The following GRID1 variants were observed in gnomAD, a reference collection of about 807,000 sequenced individuals.
GRID1 encodes the protein glutamate ionotropic receptor delta type subunit 1, also known as glutamate receptor ionotropic, delta-1.
Under a neutral mutation model 98.0 loss-of-function variants are expected in GRID1, and 28 were observed. That is an observed-to-expected ratio of 0.29 (90% CI 0.21 to 0.39). GRID1 has a LOEUF of 0.39. Ranked by LOEUF, GRID1 falls within the 10% of genes least tolerant of loss-of-function variation. The pLI, the probability that GRID1 is intolerant of heterozygous loss-of-function variation, is 1.00. For synonymous variants in GRID1, 553 were observed against 538.5 expected (o/e 1.03, Z -0.37); for missense variants, 1,111 against 1,340.5 (o/e 0.83, Z 2.67).
intron 4 of GRID1, among the ~76,000 whole-genome samples, chr10:86,017,580 A>C: frequency 6.6e-6 from 1 of 152,198 alleles, no homozygotes; most frequent in African/African-American, 2.4e-5. Context: ...GTCATGGTTC[A>C]ATGTCATAGC....
chr10:85,981,261 T>G (rs577722688), intron 4 of GRID1, among the ~76,000 whole-genome samples: 1 of 152,348 alleles, frequency 6.6e-6, no homozygotes, highest in South Asian at 2.1e-4. Flanking sequence ...GCACAAGCTT[T>G]CAGTCTGACA....
rs1287741338 is a variant in GRID1 at position 86,366,056 on chromosome 10, C to T, written c.79+258G>A. The stretch of plus-strand genomic sequence containing the variant: ...GACGCGCGTCCATCCCGGTGTTCCC[C>T]GAAGCGTCGGCCCTAAGTGTCGGTA... On this transcript the variant is annotated intron_variant, in intron 1 of 15. Transcript: ENST00000327946. This position sits in a 1 kb window ranked among gnomAD's most constrained non-coding sequence, Gnocchi z 4.1. 6.6e-5 allele frequency among the ~76,000 whole-genome samples: 10 copies of T among 152,106 alleles called. No individual in the cohort carries two copies. Among genetic ancestry groups the T allele is most frequent in the African/African-American group, 2.4e-4 (10 of 41,434 alleles).
At chr10:86,067,191 G>T (rs1843731382) in intron 4 of GRID1, among the ~76,000 whole-genome samples, 1 of 152,214 alleles carries the variant, frequency 6.6e-6, no homozygotes, top group African/African-American at 2.4e-5. Context: ...TACTGATAAG[G>T]TGTTAATAAA....
intron 2 of GRID1, among the ~76,000 whole-genome samples, chr10:86,320,471 T>G (rs1219091730): frequency 2.6e-5 from 4 of 152,104 alleles, no homozygotes; most frequent in African/African-American, 9.7e-5. Context: ...GTATGAAATA[T>G]CTGGAGTAGT....
At chr10:86,363,226 G>T (rs949010328) in intron 2 of GRID1, among the ~76,000 whole-genome samples, 19 of 152,232 alleles carry the variant, frequency 1.2e-4, no homozygotes, top group African/African-American at 4.6e-4. Context: ...CGGAGGCAGT[G>T]GCTGTGGACA....
At chr10:86,233,212 G>A (rs1176048755) in intron 2 of GRID1, among the ~76,000 whole-genome samples, 1 of 151,828 alleles carries the variant, frequency 6.6e-6, no homozygotes, top group Admixed American at 6.6e-5. Context: ...TGCAGAAGGG[G>A]CTCTGCCTCT....
intron 8 of GRID1, among the ~76,000 whole-genome samples, chr10:85,837,361 C>T (rs1370504859): frequency 6.6e-6 from 1 of 152,212 alleles, no homozygotes; most frequent in Admixed American, 6.5e-5. Context: ...GCCTCTGCCA[C>T]TATGGTGAAT....
Position 86,072,192 on chromosome 10 carries a change from C to T in GRID1, c.726+66627G>A, listed in dbSNP as rs567328355. On this transcript the variant is annotated intron_variant, in intron 4 of 15. Coordinates refer to ENST00000327946, the MANE Select transcript of GRID1 (RefSeq NM_017551.3). ...AACAAGGTAAGTTTTATATTTCAGA[C>T]GTTCAAGTTTAAGGTAGTGTCTGGC... Among the ~76,000 whole-genome samples, 22 of 152,196 alleles carry T rather than the reference C, an allele frequency of 1.4e-4. No individual in the cohort carries two copies. The South Asian group carries it at 3.3e-3, about 23-fold the overall frequency.
intron 3 of GRID1, among the ~76,000 whole-genome samples, chr10:86,170,723 C>T (rs1426844420): frequency 1.3e-5 from 2 of 152,200 alleles, no homozygotes; most frequent in Non-Finnish European, 2.9e-5. Context: ...AAGACAACTG[C>T]TAACATGTTT....
At chr10:85,889,260 A>G (rs749792048) in intron 5 of GRID1, among the ~76,000 whole-genome samples, 3 of 152,158 alleles carry the variant, frequency 2.0e-5, no homozygotes, top group Non-Finnish European at 4.4e-5. Context: ...CCTGCACCCA[A>G]CAGAGCAATG....
intron 2 of GRID1, among the ~76,000 whole-genome samples, chr10:86,275,980 T>C (rs1254152785): frequency 6.6e-6 from 1 of 152,094 alleles, no homozygotes; most frequent in Non-Finnish European, 1.5e-5. Context: ...TCCTTTATAA[T>C]CAAACTACTG....
chr10:85,945,189 C>T (rs1382686556), intron 4 of GRID1, among the ~76,000 whole-genome samples: 2 of 152,080 alleles, frequency 1.3e-5, no homozygotes, highest in Non-Finnish European at 2.9e-5. Flanking sequence ...GATTATAAAA[C>T]ATATTAGAAT....
Position 85,691,401 on chromosome 10 carries a change from T to C in GRID1, c.1997+31602A>G, listed in dbSNP as rs941391194. Among the ~76,000 whole-genome samples, 8 of 152,174 alleles carry C rather than the reference T, an allele frequency of 5.3e-5. No individual in the cohort carries two copies. The South Asian group carries it at 1.7e-3, about 32-fold the overall frequency. ...TGTTTTGTTTTATTATTCTGTGCAT[T>C]ACCTCTCAATTTCCTTGCTTGTCTC... On this transcript the variant is annotated intron_variant, in intron 12 of 15. Transcript: ENST00000327946.
chr10:86,237,577 G>A (rs529128251), intron 2 of GRID1, among the ~76,000 whole-genome samples: 1 of 152,204 alleles, frequency 6.6e-6, no homozygotes, highest in East Asian at 1.9e-4. Context: ...GCAGGTGCCT[G>A]TAGTCCCAGC....
chr10:85,919,288 T>C (rs1238911394), intron 4 of GRID1, among the ~76,000 whole-genome samples: 3 of 152,224 alleles, frequency 2.0e-5, no homozygotes, highest in Non-Finnish European at 4.4e-5. Flanking sequence ...GTGGAGACAA[T>C]TGATCAGAAA....
intron 12 of GRID1, among the ~76,000 whole-genome samples, chr10:85,673,276 G>A (rs1841108396): frequency 6.6e-6 from 1 of 152,140 alleles, no homozygotes; most frequent in Non-Finnish European, 1.5e-5. Context: ...TATACTCCTG[G>A]TGAAAATACT....
rs370683980 is a variant in GRID1 at position 86,206,691 on chromosome 10, C to T, written c.236-43G>A. Reference sequence around the variant, plus strand: ...AGAGAGGAAGGGGTCAGCATCAGGGCGATGCTGCACCAGCTTCAACCTGCA... The same window carrying T: ...AGAGAGGAAGGGGTCAGCATCAGGGTGATGCTGCACCAGCTTCAACCTGCA... On this transcript the variant is annotated intron_variant, in intron 2 of 15. Coordinates refer to ENST00000327946, the MANE Select transcript of GRID1 (RefSeq NM_017551.3). The surrounding 1 kb of genome is among the most constrained non-coding windows in gnomAD (Gnocchi z 4.1). 6.1e-5 allele frequency: 94 copies of T among 1,549,170 alleles called. No individual in the cohort carries two copies. The African/African-American group carries it at 8.7e-4, about 14-fold the overall frequency.
At chr10:86,161,048 A>G (rs890308041) in intron 3 of GRID1, among the ~76,000 whole-genome samples, 1 of 152,330 alleles carries the variant, frequency 6.6e-6, no homozygotes, top group Non-Finnish European at 1.5e-5. Flanking sequence ...GCTGGCTCTC[A>G]GGAAAGCTGT....
At chr10:85,679,718 C>T (rs1489320422) in intron 12 of GRID1, among the ~76,000 whole-genome samples, 1 of 152,112 alleles carries the variant, frequency 6.6e-6, no homozygotes, top group Non-Finnish European at 1.5e-5. Context: ...AGAGAAAATA[C>T]CATCCTGCTA....
Sources: allele counts gnomAD v4.1 joint callset (sites outside exome capture counted in the v4.1 genomes callset), GRCh38; gene constraint gnomAD v4.1.1; non-coding constraint Gnocchi (gnomAD v3.1); transcripts MANE v1.5; gene names NCBI Gene and HGNC (gene_info 2026-07-23, HGNC 2026-07-21).